The following MITF variants were observed in gnomAD, a reference collection of about 807,000 sequenced individuals.
MITF encodes the protein melanocyte inducing transcription factor.
In MITF, 17 loss-of-function variants were observed where a neutral mutation model predicts 60.5. The observed-to-expected ratio is 0.28, with a 90% CI of 0.19 to 0.42. The LOEUF is 0.42. MITF is among the 10% of genes least tolerant of loss of function. The pLI is 1.00. For missense variants in MITF, 622 were observed against 683.5 expected (o/e 0.91, Z 1.00); for synonymous variants, 260 against 248.5 (o/e 1.05, Z -0.43).
rs190081142 is a variant in MITF, at chr3:69,791,552, G to A, written c.104+51851G>A. On this transcript the variant is annotated intron_variant, in intron 1 of 9. Coordinates refer to ENST00000352241, the MANE Select transcript of MITF (RefSeq NM_001354604.2). ...AATAGAAAGGAATCTAGAGACCCAA[G>A]AGGCTCAAGACCTCTTCATGGCAAG... is the stretch of plus-strand genomic sequence containing the variant. Among the ~76,000 whole-genome samples, 3 of 152,336 alleles carry A rather than the reference G, an allele frequency of 2.0e-5. No individual in the cohort carries two copies. The East Asian group carries it at 5.8e-4, about 29-fold the overall frequency.
At chr3:69,776,754 G>C (rs1353634559) in intron 1 of MITF, among the ~76,000 whole-genome samples, 1 of 152,152 alleles carries the variant, frequency 6.6e-6, no homozygotes, top group Non-Finnish European at 1.5e-5. Context: ...GTGAGATAAT[G>C]CATATGTAAA....
At chr3:69,767,515 G>A (rs2062317243) in intron 1 of MITF, among the ~76,000 whole-genome samples, 1 of 152,076 alleles carries the variant, frequency 6.6e-6, no homozygotes, top group African/African-American at 2.4e-5. Context: ...AACCCGGGAG[G>A]TGGAGGTTGC....
intron 1 of MITF, among the ~76,000 whole-genome samples, chr3:69,812,922 A>G (rs1321325545): frequency 1.3e-5 from 2 of 152,198 alleles, no homozygotes; most frequent in Admixed American, 1.3e-4. Context: ...AAAATCTATT[A>G]AAGATCCTTT....
At chr3:69,782,197 G>A (rs1201900537) in intron 1 of MITF, among the ~76,000 whole-genome samples, 1 of 152,174 alleles carries the variant, frequency 6.6e-6, no homozygotes, top group Non-Finnish European at 1.5e-5. Flanking sequence ...AATTTAGAGA[G>A]GTTGTTGTAC....
At chr3:69,811,624 A>G (rs2063101844) in intron 1 of MITF, among the ~76,000 whole-genome samples, 2 of 152,212 alleles carry the variant, frequency 1.3e-5, no homozygotes, top group African/African-American at 4.8e-5. Flanking sequence ...TAATCAAGCC[A>G]GTGGTGAACA....
chr3:69,932,668 A>G (rs998538929), intron 2 of MITF, among the ~76,000 whole-genome samples: 5 of 152,146 alleles, frequency 3.3e-5, no homozygotes, highest in Admixed American at 6.6e-5. Flanking sequence ...AAACAAGATT[A>G]TATGTCCAAG....
At chr3:69,842,316 A>C (rs2063652491) in intron 1 of MITF, among the ~76,000 whole-genome samples, 1 of 152,210 alleles carries the variant, frequency 6.6e-6, no homozygotes, top group Admixed American at 6.5e-5. Context: ...CATCTGAAAA[A>C]AGAAAAGATA....
intron 3 of MITF, 124 bp from the exon 4 acceptor site, chr3:69,938,974 A>G (rs2065906754): frequency 1.9e-6 from 3 of 1,539,880 alleles, no homozygotes; most frequent in Admixed American, 2.0e-5. Context: ...TCTTTTGGTC[A>G]GATTCCACTT....
intron 1 of MITF, among the ~76,000 whole-genome samples, chr3:69,750,553 T>A (rs1703899403): frequency 6.6e-6 from 1 of 151,498 alleles, no homozygotes; most frequent in Non-Finnish European, 1.5e-5. Flanking sequence ...GTATTTAATA[T>A]GGAGACATGA....
At chr3:69,799,442 T>G (rs1402923729) in intron 1 of MITF, among the ~76,000 whole-genome samples, 1 of 152,236 alleles carries the variant, frequency 6.6e-6, no homozygotes, top group Non-Finnish European at 1.5e-5. Context: ...ATTTAAGCAT[T>G]GTCACATTGG....
intron 1 of MITF, among the ~76,000 whole-genome samples, chr3:69,829,817 A>G (rs1327497001): frequency 6.6e-6 from 1 of 152,092 alleles, no homozygotes; most frequent in African/African-American, 2.4e-5. Flanking sequence ...GAGCTGATGG[A>G]AGTAAGTCCC....
intron 7 of MITF, among the ~76,000 whole-genome samples, chr3:69,952,656 A>G (rs1576037942): frequency 6.6e-6 from 1 of 152,274 alleles, no homozygotes; most frequent in East Asian, 1.9e-4. Flanking sequence ...TTTAGTCCCC[A>G]GGAATATGCG....
At chr3:69,936,266 T>A (rs2065831978) in intron 2 of MITF, among the ~76,000 whole-genome samples, 1 of 152,184 alleles carries the variant, frequency 6.6e-6, no homozygotes, top group Non-Finnish European at 1.5e-5. Flanking sequence ...TTTTAGATGA[T>A]GTCTCCTCCA....
At chr3:69,855,827 A>G (rs1049003173) in intron 1 of MITF, among the ~76,000 whole-genome samples, 1 of 152,174 alleles carries the variant, frequency 6.6e-6, no homozygotes. Context: ...ATCAACCTGT[A>G]GCATGCCTGA....
intron 6 of MITF, among the ~76,000 whole-genome samples, chr3:69,950,104 A>G (rs2066204617): frequency 6.6e-6 from 1 of 152,102 alleles, no homozygotes; most frequent in South Asian, 2.1e-4. Flanking sequence ...ACCAAAAAGG[A>G]AAATTACTGC....
intron 5 of MITF, among the ~76,000 whole-genome samples, chr3:69,948,574 C>A (rs2066159315): frequency 6.6e-6 from 1 of 151,096 alleles, no homozygotes; most frequent in Non-Finnish European, 1.5e-5. Context: ...ATTGCTTTTC[C>A]TTGTAAAAGA....
At chr3:69,751,046 G>C (rs890404822) in intron 1 of MITF, among the ~76,000 whole-genome samples, 2 of 152,082 alleles carry the variant, frequency 1.3e-5, no homozygotes, top group Non-Finnish European at 2.9e-5. Context: ...ACCATAAGGA[G>C]CCCTGGCCCA....
chr3:69,950,159 G>A (rs543412113), intron 6 of MITF, among the ~76,000 whole-genome samples: 2 of 152,164 alleles, frequency 1.3e-5, no homozygotes, highest in East Asian at 3.9e-4. Context: ...GGCAGGCACA[G>A]TAGCTCACGC....
chr3:69,912,117 A>C (rs1166781146), intron 2 of MITF, among the ~76,000 whole-genome samples: 2 of 152,218 alleles, frequency 1.3e-5, no homozygotes, highest in East Asian at 3.8e-4. Flanking sequence ...CTAAATATTG[A>C]GTGATAAAAG....
Sources: gnomAD v4.1 joint callset for allele counts (sites outside exome capture counted in the v4.1 genomes callset) on GRCh38, gnomAD v4.1.1 for gene constraint, MANE v1.5 for transcripts, NCBI Gene and HGNC (gene_info 2026-07-23, HGNC 2026-07-21) for gene names.